The following KIAA1217 variants were observed in gnomAD, a reference collection of about 807,000 sequenced individuals.
KIAA1217 encodes the protein KIAA1217, also known as sickle tail protein homolog.
Under a neutral mutation model 163.9 loss-of-function variants are expected in KIAA1217, and 88 were observed. That is an observed-to-expected ratio of 0.54 (90% confidence interval 0.45 to 0.64). KIAA1217 has a LOEUF of 0.64. KIAA1217 is among the 30% of genes least tolerant of loss of function. The probability of loss-of-function intolerance (pLI) is 0.00; values close to 1 mark genes in which losing one functional copy is unlikely to be tolerated. For missense variants in KIAA1217, 2,372 were observed against 2,475.0 expected, an observed-to-expected ratio of 0.96 and a Z score of 0.88; for synonymous variants, 903 against 923.1, an observed-to-expected ratio of 0.98 and a Z score of 0.39.
intron 2 of KIAA1217, among the ~76,000 whole-genome samples, chr10:24,009,063 C>A (rs1169731004): frequency 6.6e-6 from 1 of 152,194 alleles, no homozygotes; most frequent in Non-Finnish European, 1.5e-5. Context: ...AAGCACTAAT[C>A]ATTCTCTCTT....
intron 2 of KIAA1217, among the ~76,000 whole-genome samples, chr10:24,054,138 C>T (rs1442664026): frequency 2.6e-5 from 4 of 152,026 alleles, no homozygotes; most frequent in African/African-American, 9.7e-5. Context: ...GGCTCTGTGA[C>T]AAAAATTAAG....
At chr10:23,957,057 A>G (rs1486647037) in intron 1 of KIAA1217, among the ~76,000 whole-genome samples, 1 of 152,002 alleles carries the variant, frequency 6.6e-6, no homozygotes, top group Non-Finnish European at 1.5e-5. Context: ...TCCCCATGCC[A>G]TTCCCCTTCC....
chr10:23,972,846 C>T (rs1209591742), intron 1 of KIAA1217, among the ~76,000 whole-genome samples: 4 of 152,136 alleles, frequency 2.6e-5, no homozygotes, highest in African/African-American at 9.7e-5. Flanking sequence ...CCTCAGCAAA[C>T]TAACACAGGA....
chr10:24,085,699 A>C (rs1209510764), intron 2 of KIAA1217, among the ~76,000 whole-genome samples: 1 of 152,066 alleles, frequency 6.6e-6, no homozygotes, highest in African/African-American at 2.4e-5. Context: ...GCTGGGAGGC[A>C]TGGTAGCTCA....
intron 17 of KIAA1217, among the ~76,000 whole-genome samples, chr10:24,541,188 A>C (rs944677847): frequency 9.2e-5 from 14 of 151,828 alleles, no homozygotes; most frequent in Non-Finnish European, 1.8e-4. Context: ...AGCTGGGATT[A>C]CAGGAAGCTC....
At chr10:23,986,546 TTG>T (rs1845979228) in intron 1 of KIAA1217, among the ~76,000 whole-genome samples, 1 of 144,554 alleles carries the variant, frequency 6.9e-6, no homozygotes. Context: ...ATTGGTTTAG[TTG>T]TATTATTTTT....
At chr10:24,407,866 G>A (rs889441336) in intron 3 of KIAA1217, among the ~76,000 whole-genome samples, 3 of 152,024 alleles carry the variant, frequency 2.0e-5, no homozygotes, top group South Asian at 2.1e-4. Flanking sequence ...TTGGTTTGTC[G>A]TGTTCTTAAC....
chr10:24,103,199 C>A (rs1380620142), intron 2 of KIAA1217, among the ~76,000 whole-genome samples: 1 of 152,118 alleles, frequency 6.6e-6, no homozygotes, highest in Non-Finnish European at 1.5e-5. Context: ...ACTGGAACAA[C>A]TAGACAACAC....
intron 1 of KIAA1217, among the ~76,000 whole-genome samples, chr10:23,704,005 T>C (rs1290365318): frequency 1.3e-5 from 2 of 150,344 alleles, no homozygotes; most frequent in African/African-American, 2.4e-5. Context: ...ATCCTTGGAA[T>C]AGAACATCAG....
chr10:24,421,211 G>C (rs2058710541), intron 3 of KIAA1217, among the ~76,000 whole-genome samples: 1 of 152,122 alleles, frequency 6.6e-6, no homozygotes, highest in Non-Finnish European at 1.5e-5. Flanking sequence ...TTACCATGTT[G>C]GTCAGGCTGG....
At position 24,511,152 on chromosome 10, in the gene KIAA1217, C is replaced by CAAAAAAAAAAAAAA. The variant is rs58529942; in HGVS notation, c.2002-2099_2002-2086dup. ...TGGGCAACAGAGTGAGACTCTGTCT[C>CAAAAAAAAAAAAAA]AAAAAAAAAAAAAAAAAAAAAGGAG... On this transcript the variant is annotated intron_variant, in intron 9 of 20. Coordinates refer to ENST00000376454, the MANE Select transcript of KIAA1217 (RefSeq NM_019590.5). 2.0e-4 allele frequency among the ~76,000 whole-genome samples: 7 copies of CAAAAAAAAAAAAAA among 34,510 alleles called. No homozygotes were observed. In the East Asian group the frequency reaches 3.4e-3, roughly 17 times the overall value. 22.6% of individuals were successfully genotyped at this position (34,510 alleles called of 152,430 possible). A position where few individuals can be genotyped will look rare whatever the true frequency, so the allele number is the denominator to read the frequency against.
intron 1 of KIAA1217, among the ~76,000 whole-genome samples, chr10:23,699,381 G>A (rs1836270494): frequency 6.6e-6 from 1 of 152,198 alleles, no homozygotes. Context: ...GAGGGAACTT[G>A]GGCCCAGAAA....
chr10:24,446,195 G>A (rs915219326), intron 5 of KIAA1217, among the ~76,000 whole-genome samples: 1 of 152,044 alleles, frequency 6.6e-6, no homozygotes, highest in Non-Finnish European at 1.5e-5. Context: ...AGAAGTGTCT[G>A]TTCATATCCT....
chr10:23,780,390 G>A (rs751131406), intron 1 of KIAA1217, among the ~76,000 whole-genome samples: 2 of 152,136 alleles, frequency 1.3e-5, no homozygotes, highest in African/African-American at 2.4e-5. Context: ...CTATATAACT[G>A]AAACTTTGTA....
chr10:23,973,307 T>A (rs56405281), intron 1 of KIAA1217, among the ~76,000 whole-genome samples: 3,185 of 152,336 alleles, frequency 0.021, 101 homozygotes, highest in African/African-American at 0.073. Context: ...TACCATTTAT[T>A]GTGCACTTAT....
intron 1 of KIAA1217, among the ~76,000 whole-genome samples, chr10:23,812,356 T>C (rs949656962): frequency 2.0e-5 from 3 of 152,194 alleles, no homozygotes; most frequent in Non-Finnish European, 4.4e-5. Context: ...TGAGTTAGAG[T>C]TAATTCATGT....
chr10:24,074,153 G>A (rs1564668367), intron 2 of KIAA1217, among the ~76,000 whole-genome samples: 2 of 152,114 alleles, frequency 1.3e-5, no homozygotes, highest in African/African-American at 4.8e-5. Context: ...AGACCAGCTT[G>A]ACTTGACCAA....
chr10:24,109,940 A>T (rs2062781272), intron 2 of KIAA1217, among the ~76,000 whole-genome samples: 1 of 152,240 alleles, frequency 6.6e-6, no homozygotes. Context: ...ATCACTGCTC[A>T]CTGCAGCCTT....
chr10:24,342,439 A>T (rs1465787725), intron 2 of KIAA1217, among the ~76,000 whole-genome samples: 1 of 152,126 alleles, frequency 6.6e-6, no homozygotes, highest in Admixed American at 6.5e-5. Flanking sequence ...TCTACCTTCA[A>T]TTCTCAATCC....
Sources: allele counts gnomAD v4.1 joint callset (sites outside exome capture counted in the v4.1 genomes callset), GRCh38; gene constraint gnomAD v4.1.1; transcripts MANE v1.5; gene names NCBI Gene and HGNC (gene_info 2026-07-23, HGNC 2026-07-21).